DCC: variants seen among roughly 807,000 people sequenced by gnomAD.
DCC encodes the protein netrin receptor DCC.
DCC carries 58 observed loss-of-function variants against 172.5 expected under a neutral mutation model. The ratio of observed to expected loss-of-function variants is 0.34; its 90% CI spans 0.27 to 0.42. The LOEUF is 0.42. DCC is among the 10% of genes least tolerant of loss of function. The pLI is 1.00. For synonymous variants in DCC, 709 were observed against 644.5 expected (o/e 1.10, Z -1.52); for missense variants, 1,740 against 1,791.0 (o/e 0.97, Z 0.51).
At chr18:52,397,603 A>G (rs1986279710) in intron 1 of DCC, among the ~76,000 whole-genome samples, 1 of 151,940 alleles carries the variant, frequency 6.6e-6, no homozygotes, top group Non-Finnish European at 1.5e-5. Flanking sequence ...CCCTAGGCAT[A>G]TATCAATTTC....
At chr18:52,543,842 C>T (rs2032534982) in intron 1 of DCC, among the ~76,000 whole-genome samples, 1 of 152,214 alleles carries the variant, frequency 6.6e-6, no homozygotes, top group African/African-American at 2.4e-5. Flanking sequence ...CACTTCCTGG[C>T]ATCTGTGTAC....
At chr18:52,781,512 T>A (rs1241146289) in intron 2 of DCC, among the ~76,000 whole-genome samples, 1 of 152,152 alleles carries the variant, frequency 6.6e-6, no homozygotes, top group Non-Finnish European at 1.5e-5. Context: ...AGGGAGTTTC[T>A]CACTTAGAGG....
Position 53,320,362 on chromosome 18 carries a change from G to A in DCC, c.2054-1685G>A, listed in dbSNP as rs374217257. Among the ~76,000 whole-genome samples, 18 of 152,188 alleles carry A rather than the reference G, an allele frequency of 1.2e-4. No individual in the cohort carries two copies. The East Asian group carries it at 2.7e-3, about 23-fold the overall frequency. The stretch of plus-strand genomic sequence containing the variant: ...GCTGGGATTACAGGCATGAGCCACC[G>A]CGCCCGGCCAAGAGTACATTTTTGA... On this transcript the variant is annotated intron_variant, in intron 13 of 28. Transcript: ENST00000442544.
At chr18:52,791,396 G>A (rs949045972) in intron 2 of DCC, among the ~76,000 whole-genome samples, 1 of 152,128 alleles carries the variant, frequency 6.6e-6, no homozygotes, top group Admixed American at 6.5e-5. Context: ...CATCTGTTTA[G>A]TCTCCTTCCT....
intron 5 of DCC, among the ~76,000 whole-genome samples, chr18:52,968,324 T>G (rs893406901): frequency 6.6e-6 from 1 of 152,112 alleles, no homozygotes; most frequent in Non-Finnish European, 1.5e-5. Flanking sequence ...TTGCAATGCA[T>G]CAGGCAGGGA....
intron 27 of DCC, among the ~76,000 whole-genome samples, chr18:53,502,713 C>T (rs1393310267): frequency 6.6e-6 from 1 of 152,068 alleles, no homozygotes; most frequent in East Asian, 1.9e-4. Context: ...CAAGTAATTA[C>T]TTTAGAATAT....
At chr18:53,077,806 T>G (rs1372926110) in intron 7 of DCC, among the ~76,000 whole-genome samples, 1 of 152,172 alleles carries the variant, frequency 6.6e-6, no homozygotes, top group Non-Finnish European at 1.5e-5. Flanking sequence ...TGGGTGATAT[T>G]TCAGGTTTAT....
At chr18:53,209,038 A>G (rs2144562357) in intron 11 of DCC, among the ~76,000 whole-genome samples, 1 of 152,214 alleles carries the variant, frequency 6.6e-6, no homozygotes, top group Admixed American at 6.5e-5. Context: ...GCCTCAAGGG[A>G]TTTTCCTGCC....
chr18:53,341,223 G>C (rs2057655667), intron 15 of DCC, among the ~76,000 whole-genome samples: 1 of 152,152 alleles, frequency 6.6e-6, no homozygotes, highest in African/African-American at 2.4e-5. Flanking sequence ...GACAGAGGGA[G>C]GGAGGTGCCC....
rs537508852 is a variant in DCC, at chr18:53,286,894, A to G, written c.1912-18684A>G. Among the ~76,000 whole-genome samples the G allele has an allele frequency of 9.2e-5, 14 of 152,304 alleles. No individual in the cohort carries two copies. The South Asian group carries it at 2.7e-3, about 29-fold the overall frequency. ...AAAGTGTCTATCTGGAGTCTTTGGC[A>G]TATATATAACAAGACTGGCAATATA... On this transcript the variant is annotated intron_variant, in intron 12 of 28. Coordinates refer to ENST00000442544, the MANE Select transcript of DCC (RefSeq NM_005215.4).
intron 1 of DCC, among the ~76,000 whole-genome samples, chr18:52,521,205 AT>A (rs1449297864): frequency 2.0e-5 from 3 of 152,172 alleles, no homozygotes; most frequent in African/African-American, 7.2e-5. Flanking sequence ...AACTAAGTTA[AT>A]TTTTGTAATT....
chr18:53,222,489 ATTC>A (rs1270335572), intron 12 of DCC, among the ~76,000 whole-genome samples: 3 of 148,874 alleles, frequency 2.0e-5, no homozygotes, highest in East Asian at 4.0e-4. Flanking sequence ...GGTTCAAGCA[ATTC>A]TTCTGTCTCA....
rs1988786308 is a variant in DCC, at chr18:52,466,390, G to T, written c.91+125512G>T. Among the ~76,000 whole-genome samples, 3 of 152,094 alleles carry T rather than the reference G, an allele frequency of 2.0e-5. No homozygotes were observed. In the South Asian group the frequency reaches 6.2e-4, roughly 32 times the overall value. On this transcript the variant is annotated intron_variant, in intron 1 of 28. Transcript: ENST00000442544. The stretch of plus-strand genomic sequence containing the variant: ...ATGAAAGTTCACATAACATCATAAT[G>T]TAGCATGGGAAACTCGAAAAACATT...
chr18:52,742,751 T>G (rs144352376), intron 1 of DCC, among the ~76,000 whole-genome samples: 1 of 148,796 alleles, frequency 6.7e-6, no homozygotes, highest in African/African-American at 2.4e-5. Flanking sequence ...CAAGTAGAAG[T>G]GAGAACTATG....
chr18:53,030,443 T>C (rs1264877133), intron 5 of DCC, among the ~76,000 whole-genome samples: 1 of 151,928 alleles, frequency 6.6e-6, no homozygotes, highest in African/African-American at 2.4e-5. Context: ...TCATTTCTAT[T>C]TTAGTATTCT....
intron 1 of DCC, among the ~76,000 whole-genome samples, chr18:52,515,479 C>T (rs922128558): frequency 6.6e-6 from 1 of 150,614 alleles, no homozygotes; most frequent in Non-Finnish European, 1.5e-5. Flanking sequence ...CAGTGGCAGG[C>T]GCCTGTAGTC....
rs138056240 is a variant in DCC at position 52,749,381 on chromosome 18, TTGTC to T, written c.92-2670_92-2667del. 3.6e-3 allele frequency among the ~76,000 whole-genome samples: 549 copies of T among 152,178 alleles called. 1 individual carries two copies. The highest frequency in any genetic ancestry group is 0.01 in the Middle Eastern group (3 of 294). ...GACCCACCCCTGTCTGCCTGGGAAT[TTGTC>T]TGCCTCCTGCCACTGTCACTAACAT... On this transcript the variant is annotated intron_variant, in intron 1 of 28. Coordinates refer to ENST00000442544, the MANE Select transcript of DCC (RefSeq NM_005215.4).
intron 2 of DCC, among the ~76,000 whole-genome samples, chr18:52,846,745 AAGG>A (rs548157592): frequency 1.6e-4 from 24 of 152,122 alleles, no homozygotes; most frequent in African/African-American, 4.3e-4. Context: ...AACTAAGAAA[AAGG>A]AGAATGTTGA....
chr18:52,785,050 C>A (rs2037630268), intron 2 of DCC, among the ~76,000 whole-genome samples: 1 of 151,876 alleles, frequency 6.6e-6, no homozygotes, highest in Non-Finnish European at 1.5e-5. Flanking sequence ...ACATAGGGCT[C>A]ACAGATTGGT....
Sources: allele counts gnomAD v4.1 joint callset (sites outside exome capture counted in the v4.1 genomes callset), GRCh38; gene constraint gnomAD v4.1.1; transcripts MANE v1.5; gene names NCBI Gene and HGNC (gene_info 2026-07-23, HGNC 2026-07-21).